Variants in TXNDC16 observed in about 807,000 individuals in gnomAD.
The protein encoded by TXNDC16 is thioredoxin domain-containing protein 16.
In TXNDC16, 74 loss-of-function variants were observed where a neutral mutation model predicts 85.6. That is an observed-to-expected ratio of 0.86 (90% CI 0.72 to 1.05). The LOEUF (loss-of-function observed/expected upper bound fraction) is 1.05, where lower values mean the gene tolerates loss of function less well. Among genes scored for constraint, TXNDC16 ranks in the 50% least tolerant of loss-of-function variants. TXNDC16 has a pLI of 0.00. For missense variants in TXNDC16, 959 were observed against 947.0 expected (o/e 1.01, Z -0.17); for synonymous variants, 335 against 326.5 (o/e 1.03, Z -0.28).
intron 16 of TXNDC16, chr14:52,462,989 G>T: frequency 2.2e-6 from 1 of 455,704 alleles, no homozygotes; most frequent in South Asian, 1.5e-5. Context: ...GCAAGAAAAA[G>T]AAACAAAGGG....
chr14:52,511,420 A>C lies in TXNDC16; in HGVS notation c.606-30T>G, dbSNP rs748201184. 2.0e-6 allele frequency: 3 copies of C among 1,482,566 alleles called. No homozygotes were observed. In the Admixed American group the frequency reaches 5.4e-5, roughly 27 times the overall value. The allele number at this position is 1,482,566 out of a possible 1,614,324, so 91.8% of individuals were successfully genotyped here. On this transcript the variant is annotated intron_variant, in intron 8 of 20. Coordinates refer to ENST00000281741, the MANE Select transcript of TXNDC16 (RefSeq NM_020784.3). ...AAATTAAAAATTAATTAACTTAATG[A>C]AGTTCAATATGTGATCCTTCTACCA...
intron 15 of TXNDC16, 68 bp downstream of exon 15, chr14:52,470,442 CAA>C (rs2035879688): frequency 6.7e-7 from 1 of 1,487,924 alleles, no homozygotes; most frequent in Non-Finnish European, 9.0e-7. Context: ...TAAGTGTTAG[CAA>C]AGTCTGAGAA....
At chr14:52,460,823 G>C (rs1303923796) in intron 16 of TXNDC16, among the ~76,000 whole-genome samples, 1 of 152,078 alleles carries the variant, frequency 6.6e-6, no homozygotes, top group Non-Finnish European at 1.5e-5. Flanking sequence ...GAATGAAAGT[G>C]TTTTATTGTG....
At chr14:52,546,599 C>G (rs1274820943) in intron 1 of TXNDC16, among the ~76,000 whole-genome samples, 1 of 152,160 alleles carries the variant, frequency 6.6e-6, no homozygotes, top group Admixed American at 6.5e-5. Context: ...CTGCTGCAGT[C>G]AAGAGAAATG....
At chr14:52,467,690 G>A (rs545240198) in intron 16 of TXNDC16, among the ~76,000 whole-genome samples, 5 of 152,236 alleles carry the variant, frequency 3.3e-5, no homozygotes, top group East Asian at 1.9e-4. Context: ...ATAGTACTGC[G>A]GTTCCTCAAA....
At chr14:52,536,347 C>T (rs1243600482) in intron 6 of TXNDC16, among the ~76,000 whole-genome samples, 1 of 152,184 alleles carries the variant, frequency 6.6e-6, no homozygotes, top group East Asian at 1.9e-4. Context: ...AAATAAATTT[C>T]ACAGTTGTTT....
rs1491364654 is a variant in TXNDC16 at position 52,493,204 on chromosome 14, T to TAC, written c.757-2200_757-2199insGT. ...CACATGTCACTGTTCTATATATATA[T>TAC]ATATATATATATACACACACACACA... On this transcript the variant is annotated intron_variant, in intron 9 of 20. Coordinates refer to ENST00000281741, the MANE Select transcript of TXNDC16 (RefSeq NM_020784.3). Among the ~76,000 whole-genome samples, 333 of 108,210 alleles carry TAC rather than the reference T, an allele frequency of 3.1e-3. 2 individuals are homozygous for TAC. Among genetic ancestry groups the TAC allele is most frequent in the African/African-American group, 0.012 (294 of 25,086 alleles). The allele number at this position is 108,210 out of a possible 152,430, so 71.0% of individuals were successfully genotyped here. A position where few individuals can be genotyped will look rare whatever the true frequency, so the allele number is the denominator to read the frequency against.
At chr14:52,494,190 T>C (rs2036480175) in intron 9 of TXNDC16, among the ~76,000 whole-genome samples, 1 of 152,174 alleles carries the variant, frequency 6.6e-6, no homozygotes, top group South Asian at 2.1e-4. Flanking sequence ...TATTAAGTAC[T>C]CTTAATACAG....
At chr14:52,485,163 T>A (rs1594718460) in intron 12 of TXNDC16, among the ~76,000 whole-genome samples, 1 of 152,184 alleles carries the variant, frequency 6.6e-6, no homozygotes, top group Admixed American at 6.5e-5. Context: ...TGGAAGAGAG[T>A]AATATGGATG....
chr14:52,470,093 A>C lies in TXNDC16; in HGVS notation c.1562T>G (p.Leu521Arg), dbSNP rs750654062. ...EYLSGELYKD[L>R]ILYSSVSVLG... Reference sequence around the variant, plus strand: ...TACTGACACACTAGAATACAAGATGAGGTCTTTATATAATTCCCCACTTAA... The same window carrying C: ...TACTGACACACTAGAATACAAGATGCGGTCTTTATATAATTCCCCACTTAA... The change falls in exon 16 of 21, where the codon CTC becomes CGC. Residue 521 changes from leucine (L) to arginine (R), a missense_variant. By Grantham distance (102) the Leu-to-Arg change is moderately radical. Coordinates refer to ENST00000281741, the MANE Select transcript of TXNDC16 (RefSeq NM_020784.3). The C allele has an allele frequency of 6.2e-7, 1 of 1,611,166 alleles. No homozygotes were observed. The highest frequency in any genetic ancestry group is 1.3e-5 in the African/African-American group (1 of 74,866).
At position 52,499,728 on chromosome 14, in the gene TXNDC16, C is replaced by T. The variant is rs377042672; in HGVS notation, c.757-8723G>A. ...TGGTGCAGGCACTATGAAAACAGTA[C>T]AGTCATCCCTCAGTATCCATAAGGA... On this transcript the variant is annotated intron_variant, in intron 9 of 20. Transcript: ENST00000281741. 3.2e-4 allele frequency among the ~76,000 whole-genome samples: 49 copies of T among 152,032 alleles called. 1 individual carries two copies. The East Asian group carries it at 6.6e-3, about 20-fold the overall frequency.
chr14:52,462,234 A>T (rs998778242), intron 16 of TXNDC16, among the ~76,000 whole-genome samples: 2 of 150,886 alleles, frequency 1.3e-5, no homozygotes, highest in Non-Finnish European at 3.0e-5. Context: ...TTTTGTTTAT[A>T]TTTTTTTTTA....
intron 6 of TXNDC16, among the ~76,000 whole-genome samples, chr14:52,535,500 A>G (rs1255965166): frequency 6.6e-6 from 1 of 152,108 alleles, no homozygotes; most frequent in African/African-American, 2.4e-5. Flanking sequence ...TAGGTGAGAG[A>G]GGAAGAGGAG....
At chr14:52,456,448 A>G (rs955072698) in intron 17 of TXNDC16, among the ~76,000 whole-genome samples, 7 of 152,202 alleles carry the variant, frequency 4.6e-5, no homozygotes, top group African/African-American at 1.7e-4. Flanking sequence ...AGCATATGTC[A>G]CCAGTGTTCA....
intron 17 of TXNDC16, among the ~76,000 whole-genome samples, chr14:52,455,666 T>A (rs1377238898): frequency 1.3e-5 from 2 of 152,070 alleles, no homozygotes; most frequent in African/African-American, 4.8e-5. Flanking sequence ...TATAACAAAC[T>A]AGATTTTTAA....
chr14:52,547,534 T>C (rs1458555524), intron 1 of TXNDC16, among the ~76,000 whole-genome samples: 1 of 152,244 alleles, frequency 6.6e-6, no homozygotes, highest in Non-Finnish European at 1.5e-5. Context: ...AGTGTTGTTG[T>C]TGTTTCAACT....
At chr14:52,512,457 T>C (rs1182357727) in intron 8 of TXNDC16, among the ~76,000 whole-genome samples, 1 of 152,022 alleles carries the variant, frequency 6.6e-6, no homozygotes, top group African/African-American at 2.4e-5. Context: ...ATAGGACAAA[T>C]GAGCATTTCA....
chr14:52,545,411 T>A (rs1747683518), intron 1 of TXNDC16, among the ~76,000 whole-genome samples: 1 of 152,230 alleles, frequency 6.6e-6, no homozygotes. Context: ...TCAGTAATAA[T>A]CTCTGTAGTT....
At chr14:52,494,813 T>C (rs909949470) in intron 9 of TXNDC16, among the ~76,000 whole-genome samples, 30 of 152,212 alleles carry the variant, frequency 2.0e-4, no homozygotes, top group Admixed American at 1.9e-3. Context: ...TGCAGGAAGA[T>C]GTAGGAATTA....
Sources: gnomAD v4.1 joint callset for allele counts (sites outside exome capture counted in the v4.1 genomes callset) on GRCh38, gnomAD v4.1.1 for gene constraint, MANE v1.5 for transcripts, NCBI Gene and HGNC (gene_info 2026-07-23, HGNC 2026-07-21) for gene names.